The following PSD3 variants were observed in gnomAD, a reference collection of about 807,000 sequenced individuals.
PSD3 encodes the protein PH and SEC7 domain-containing protein 3.
Under a neutral mutation model 105.5 loss-of-function variants are expected in PSD3, and 49 were observed. The observed-to-expected ratio is 0.46, with a 90% CI of 0.37 to 0.59. The LOEUF is 0.59. Ranked by LOEUF, PSD3 falls within the 20% of genes least tolerant of loss-of-function variation. PSD3 has a pLI of 0.00. For synonymous variants in PSD3, 557 were observed against 457.8 expected (o/e 1.22, Z -2.77); for missense variants, 1,561 against 1,263.8 (o/e 1.24, Z -3.57).
chr8:18,993,078 G>A (rs1268106231), intron 1 of PSD3, among the ~76,000 whole-genome samples: 3 of 152,128 alleles, frequency 2.0e-5, no homozygotes, highest in Non-Finnish European at 4.4e-5. Context: ...TCTAGGGAGT[G>A]ACATAGCCTC....
chr8:18,572,472 C>T (rs764678181), intron 14 of PSD3, 56 bp downstream of exon 14: 1 of 1,572,224 alleles, frequency 6.4e-7, no homozygotes, highest in Admixed American at 1.8e-5. Flanking sequence ...AAATATTTAT[C>T]ACATTATTTT....
chr8:18,801,244 A>C, intron 7 of PSD3, 26 bp downstream of exon 7: 1 of 1,389,518 alleles, frequency 7.2e-7, no homozygotes, highest in Non-Finnish European at 1.0e-6. Flanking sequence ...TATAAAAAAG[A>C]AATTCAAGGA....
At chr8:18,825,544 A>T (rs1448420658) in intron 4 of PSD3, among the ~76,000 whole-genome samples, 1 of 152,230 alleles carries the variant, frequency 6.6e-6, no homozygotes, top group Non-Finnish European at 1.5e-5. Context: ...AGGGGAAGAG[A>T]ATCCTATTCA....
At chr8:18,546,149 C>T (rs1292421132) in intron 15 of PSD3, among the ~76,000 whole-genome samples, 2 of 152,152 alleles carry the variant, frequency 1.3e-5, no homozygotes, top group African/African-American at 4.8e-5. Context: ...GTGCCCGCCA[C>T]CATGCCCGCC....
intron 4 of PSD3, chr8:18,809,028 G>GT (rs1325594086): frequency 1.0e-6 from 1 of 964,194 alleles, no homozygotes; most frequent in African/African-American, 1.7e-5. Context: ...TATCGAGAAC[G>GT]TAAGAAACAG....
chr8:18,648,826 C>G (rs1808252398), intron 10 of PSD3, among the ~76,000 whole-genome samples: 1 of 152,246 alleles, frequency 6.6e-6, no homozygotes, highest in Non-Finnish European at 1.5e-5. Context: ...CTAGCTACAG[C>G]TGTGGCTAAA....
intron 8 of PSD3, among the ~76,000 whole-genome samples, chr8:18,777,128 T>C (rs1221545516): frequency 2.0e-5 from 3 of 152,132 alleles, no homozygotes; most frequent in Non-Finnish European, 4.4e-5. Context: ...CTGAAACCTC[T>C]GCCTCCTGGG....
intron 12 of PSD3, among the ~76,000 whole-genome samples, chr8:18,589,524 A>G (rs1362286549): frequency 6.6e-6 from 1 of 152,258 alleles, no homozygotes; most frequent in Non-Finnish European, 1.5e-5. Flanking sequence ...GGTTTGTGTT[A>G]GATATGGTCC....
At chr8:18,572,413 G>A in intron 14 of PSD3, 115 bp downstream of exon 14, 1 of 1,288,240 alleles carries the variant, frequency 7.8e-7, no homozygotes, top group Non-Finnish European at 1.1e-6. Flanking sequence ...CGCTCTCACA[G>A]GGCAAGGTCT....
At chr8:18,555,044 G>C (rs1169804612) in intron 15 of PSD3, among the ~76,000 whole-genome samples, 3 of 152,170 alleles carry the variant, frequency 2.0e-5, no homozygotes, top group Non-Finnish European at 4.4e-5. Flanking sequence ...AAAGAAATGA[G>C]ACTTTCTTCA....
chr8:18,799,097 T>C (rs56359626), intron 8 of PSD3, 198 bp downstream of exon 8: 24,453 of 527,186 alleles, frequency 0.046, 737 homozygotes, highest in Non-Finnish European at 0.061. Context: ...ACCAGGACGA[T>C]GGATTTAAAG....
intron 4 of PSD3, chr8:18,808,869 C>T (rs1322094858): frequency 6.3e-7 from 1 of 1,597,044 alleles, no homozygotes. Context: ...TCAGTGACTG[C>T]CGAGCCTCAC....
At chr8:18,801,429 A>G (rs1180670598) in intron 6 of PSD3, 47 bp from the exon 7 acceptor site, 2 of 1,070,216 alleles carry the variant, frequency 1.9e-6, no homozygotes, top group Non-Finnish European at 2.9e-6. Flanking sequence ...CGAAAATGCT[A>G]TCACACTCTT....
intron 1 of PSD3, among the ~76,000 whole-genome samples, chr8:19,072,989 G>A: frequency 6.6e-6 from 1 of 152,144 alleles, no homozygotes; most frequent in Admixed American, 6.5e-5. Flanking sequence ...TGAATTTCTT[G>A]CTGGTCCAGT....
intron 9 of PSD3, among the ~76,000 whole-genome samples, chr8:18,691,158 G>C (rs1800954351): frequency 6.6e-6 from 1 of 152,102 alleles, no homozygotes; most frequent in African/African-American, 2.4e-5. Flanking sequence ...TCTTTAAATA[G>C]AACGTTCTTA....
At chr8:18,837,316 A>T (rs1292747276) in intron 4 of PSD3, among the ~76,000 whole-genome samples, 2 of 152,188 alleles carry the variant, frequency 1.3e-5, no homozygotes, top group Non-Finnish European at 2.9e-5. Context: ...CTTTGTGGTA[A>T]GCAAGTCTTC....
intron 4 of PSD3, among the ~76,000 whole-genome samples, chr8:18,829,515 G>C (rs925321074): frequency 6.6e-6 from 1 of 152,264 alleles, no homozygotes; most frequent in East Asian, 1.9e-4. Flanking sequence ...GATTTGCTGC[G>C]TTTGGCTGAC....
At chr8:18,608,935 T>G (rs565821014) in intron 11 of PSD3, among the ~76,000 whole-genome samples, 1 of 152,222 alleles carries the variant, frequency 6.6e-6, no homozygotes, top group Non-Finnish European at 1.5e-5. Context: ...TGTTCCTACA[T>G]CAAAATCTTG....
intron 9 of PSD3, among the ~76,000 whole-genome samples, chr8:18,674,705 A>G (rs1261428043): frequency 1.3e-5 from 2 of 152,114 alleles, no homozygotes; most frequent in Admixed American, 1.3e-4. Flanking sequence ...TTTTAAGAAG[A>G]TGTATTAAGA....
Sources: allele counts gnomAD v4.1 joint callset (sites outside exome capture counted in the v4.1 genomes callset), GRCh38; gene constraint gnomAD v4.1.1; transcripts MANE v1.5; gene names NCBI Gene and HGNC (gene_info 2026-07-23, HGNC 2026-07-21).